TMED7: variants seen among roughly 807,000 people sequenced by gnomAD.
TMED7 encodes transmembrane p24 trafficking protein 7, also known as transmembrane emp24 domain-containing protein 7.
A neutral mutation model predicts 23.4 loss-of-function variants in TMED7; 8 were observed. The ratio of observed to expected loss-of-function variants is 0.34; its 90% CI spans 0.20 to 0.62. TMED7 has a LOEUF of 0.62. TMED7 is among the 20% of genes least tolerant of loss of function. The pLI, the probability that TMED7 is intolerant of heterozygous loss-of-function variation, is 0.77. For missense variants in TMED7, 232 were observed against 279.1 expected, an observed-to-expected ratio of 0.83 and a Z score of 1.20; for synonymous variants, 121 against 108.5, an observed-to-expected ratio of 1.12 and a Z score of -0.72.
rs938537908 is a variant in TMED7 at position 115,614,411 on chromosome 5, T to C, written c.*1798A>G. The C allele has an allele frequency of 2.0e-5, 3 of 152,480 alleles. No homozygotes were observed. The highest frequency in any genetic ancestry group is 6.5e-5 in the Admixed American group (1 of 15,270). 9.4% of individuals were successfully genotyped at this position (152,480 alleles called of 1,614,324 possible). On this transcript the variant is annotated 3_prime_UTR_variant, in exon 3 of 3. Transcript: ENST00000456936. ...GTGTAAGTATCTGAACACAATAGCA[T>C]AGAGAGGCAACCAGAAAAGGACATT...
In TMED7 at chr5:115,614,176, T is replaced by G. The variant is rs538795396; in HGVS notation, c.*2033A>C. 1 of 152,272 alleles carries G rather than the reference T, an allele frequency of 6.6e-6. No homozygotes were observed. Among genetic ancestry groups the G allele is most frequent in the South Asian group, 2.1e-4 (1 of 4,828 alleles). The allele number at this position is 152,272 out of a possible 1,614,324, so 9.4% of individuals were successfully genotyped here. ...AGTTGAGTATAGACAACCATCAAAA[T>G]GTAACCAGTTACACAGAGACTAGAC... On this transcript the variant is annotated 3_prime_UTR_variant, in exon 3 of 3. Transcript: ENST00000456936.
At position 115,614,524 on chromosome 5, in the gene TMED7, A is replaced by C. The variant is rs989254468; in HGVS notation, c.*1685T>G. 2.0e-5 allele frequency: 3 copies of C among 152,614 alleles called. No individual in the cohort carries two copies. The highest frequency in any genetic ancestry group is 7.2e-5 in the African/African-American group (3 of 41,464). 9.5% of individuals were successfully genotyped at this position (152,614 alleles called of 1,614,324 possible). ...ATAAAGGGACACTTGCAAAGCCGCAAGACAACTTCAGTACAAAAACCCAAA... is the reference window on the plus strand; with the variant it reads ...ATAAAGGGACACTTGCAAAGCCGCACGACAACTTCAGTACAAAAACCCAAA... On this transcript the variant is annotated 3_prime_UTR_variant, in exon 3 of 3. Coordinates refer to ENST00000456936, the MANE Select transcript of TMED7 (RefSeq NM_181836.6).
Position 115,625,681 on chromosome 5 carries a change from T to C in TMED7, c.112A>G (p.Thr38Ala). The C allele has an allele frequency of 6.2e-7, 1 of 1,603,466 alleles. No homozygotes were observed. The highest frequency in any genetic ancestry group is 8.5e-7 in the Non-Finnish European group (1 of 1,175,740). Residue 38 changes from threonine (T) to alanine (A), a missense_variant, in exon 1 of 3, where the codon ACC (threonine) becomes GCC (alanine). Transcript: ENST00000456936. Reference sequence around the variant, plus strand: ...TTGGCGTTGTCAGGAAGCTCGAAGGTGATCTCAGAGGCGCCGCCGGGTCCA... The same window carrying C: ...TTGGCGTTGTCAGGAAGCTCGAAGGCGATCTCAGAGGCGCCGCCGGGTCCA... ...VPGPGGASEI[T>A]FELPDNAKQC...
intron 1 of TMED7, among the ~76,000 whole-genome samples, chr5:115,621,760 G>A (rs1006549603): frequency 2.0e-4 from 31 of 152,180 alleles, no homozygotes; most frequent in African/African-American, 7.2e-4. Flanking sequence ...GAGGTGAACA[G>A]AGTGAACGTA....
At chr5:115,617,452 G>T (rs1404715491) in intron 2 of TMED7, among the ~76,000 whole-genome samples, 1 of 152,056 alleles carries the variant, frequency 6.6e-6, no homozygotes, top group Non-Finnish European at 1.5e-5. Context: ...AAATTATGAG[G>T]CCAACAAACT....
intron 2 of TMED7, 48 bp from the exon 3 acceptor site, chr5:115,616,493 T>C: frequency 6.2e-7 from 1 of 1,610,710 alleles, no homozygotes; most frequent in Non-Finnish European, 8.5e-7. Context: ...TTCTGTAGAC[T>C]TCATCTATCA....
At chr5:115,624,798 G>C (rs558954891) in intron 1 of TMED7, among the ~76,000 whole-genome samples, 3 of 152,186 alleles carry the variant, frequency 2.0e-5, no homozygotes, top group African/African-American at 7.2e-5. Flanking sequence ...TCCAAAGGAA[G>C]TCTTCCTTCA....
At chr5:115,619,270 A>C (rs1756922501) in intron 2 of TMED7, 1 of 152,206 alleles carries the variant, frequency 6.6e-6, no homozygotes, top group South Asian at 2.1e-4. Flanking sequence ...AATAAAGAGA[A>C]CATTTCTAAA....
chr5:115,616,358 G>C lies in TMED7; in HGVS notation c.526C>G (p.Arg176Gly), dbSNP rs377145503. ...GTATTTAGATCCTCTGCTCGGCTTC[G>C]GCCTTGAGCTTCTCTTAAACGGAAA... The part of the protein sequence containing the change: ...THFRLREAQG[R>G]SRAEDLNTRV... Residue 176 changes from arginine to glycine, a missense_variant, in exon 3 of 3, where the codon CGA becomes GGA. Around this residue, in one of 2 missense-constraint regions of TMED7, gnomAD observed 126 missense variants for 182.1 expected, o/e 0.69. Coordinates refer to ENST00000456936, the MANE Select transcript of TMED7 (RefSeq NM_181836.6). 6.2e-7 allele frequency: 1 copy of C among 1,614,066 alleles called. No individual in the cohort carries two copies. The highest frequency in any genetic ancestry group is 1.1e-5 in the South Asian group (1 of 91,082).
intron 1 of TMED7, among the ~76,000 whole-genome samples, chr5:115,625,258 G>C (rs1046210345): frequency 6.6e-6 from 1 of 152,206 alleles, no homozygotes; most frequent in East Asian, 1.9e-4. Flanking sequence ...AATTGGAGGT[G>C]TGGATTAGAG....
intron 1 of TMED7, among the ~76,000 whole-genome samples, chr5:115,622,643 G>T (rs1043342870): frequency 6.6e-6 from 1 of 151,852 alleles, no homozygotes; most frequent in African/African-American, 2.4e-5. Flanking sequence ...AATGTCTCCT[G>T]GGAAGAAGGG....
At chr5:115,621,813 T>C (rs530195323) in intron 1 of TMED7, among the ~76,000 whole-genome samples, 109 of 152,292 alleles carry the variant, frequency 7.2e-4, no homozygotes, top group African/African-American at 2.1e-3. Flanking sequence ...CACCATGTGA[T>C]TGGGGAGCAC....
rs78182587 is a variant in TMED7, at chr5:115,624,190, G to A, written c.192+1411C>T. 9.2e-3 allele frequency among the ~76,000 whole-genome samples: 1,397 copies of A among 152,086 alleles called. 24 individuals are homozygous for A. Among genetic ancestry groups the A allele is most frequent in the African/African-American group, 0.032 (1,337 of 41,448 alleles). On this transcript the variant is annotated intron_variant, in intron 1 of 2. Coordinates refer to ENST00000456936, the MANE Select transcript of TMED7 (RefSeq NM_181836.6). ...ATTAAATTCAAACAAAGAAAATGTC[G>A]GCTTATACTTTTTATCACAATTCCT...
chr5:115,621,181 G>A (rs1478458240), intron 1 of TMED7, among the ~76,000 whole-genome samples: 1 of 152,102 alleles, frequency 6.6e-6, no homozygotes, highest in East Asian at 1.9e-4. Flanking sequence ...AAGTAACAAG[G>A]TAGGCCAATC....
At chr5:115,617,012 AT>A (rs1377641016) in intron 2 of TMED7, among the ~76,000 whole-genome samples, 1 of 152,226 alleles carries the variant, frequency 6.6e-6, no homozygotes, top group African/African-American at 2.4e-5. Flanking sequence ...TTTTACATTT[AT>A]CTATTTGTTA....
At chr5:115,624,757 T>C (rs981437258) in intron 1 of TMED7, among the ~76,000 whole-genome samples, 1 of 152,200 alleles carries the variant, frequency 6.6e-6, no homozygotes, top group Admixed American at 6.5e-5. Flanking sequence ...TGTTTATAGC[T>C]CATCCTTTAA....
chr5:115,615,001 C>T lies in TMED7; in HGVS notation c.*1208G>A, dbSNP rs1001226481. The T allele has an allele frequency of 2.6e-5, 4 of 151,466 alleles. No individual in the cohort carries two copies. The highest frequency in any genetic ancestry group is 5.9e-5 in the Non-Finnish European group (4 of 67,852). 9.4% of individuals were successfully genotyped at this position (151,466 alleles called of 1,614,324 possible). On this transcript the variant is annotated 3_prime_UTR_variant, in exon 3 of 3. Transcript: ENST00000456936. ...TCATCTTGTATTCTATCAGATAATA[C>T]TTGGAACAAAATCTTATTTCAATCA...
rs2112582148 is a variant in TMED7 at position 115,625,980 on chromosome 5, G to C, written c.-188C>G. 1.3e-6 allele frequency: 1 copy of C among 743,080 alleles called. No individual in the cohort carries two copies. The highest frequency in any genetic ancestry group is 1.9e-6 in the Non-Finnish European group (1 of 535,336). 46.0% of individuals were successfully genotyped at this position (743,080 alleles called of 1,614,324 possible). On this transcript the variant is annotated 5_prime_UTR_variant, in exon 1 of 3. Transcript: ENST00000456936. ...TTCCTGTGAGGGGCGCAGACGGGCG[G>C]ACCTGGGGAGGTAAAAGAGAAGCGG...
At chr5:115,622,954 C>A (rs1404212943) in intron 1 of TMED7, among the ~76,000 whole-genome samples, 2 of 152,256 alleles carry the variant, frequency 1.3e-5, no homozygotes, top group Non-Finnish European at 2.9e-5. Flanking sequence ...GTTTGCAAAT[C>A]TACAGTTTAT....
Sources: allele counts gnomAD v4.1 joint callset (sites outside exome capture counted in the v4.1 genomes callset), GRCh38; gene constraint gnomAD v4.1.1; regional missense constraint gnomAD v4.1.1; transcripts MANE v1.5; gene names NCBI Gene and HGNC (gene_info 2026-07-23, HGNC 2026-07-21).